ZNF383: variants seen among roughly 807,000 people sequenced by gnomAD.
ZNF383 encodes zinc finger protein 383.
A neutral mutation model predicts 44.2 loss-of-function variants in ZNF383; 32 were observed. The observed-to-expected ratio is 0.72, with a 90% CI of 0.55 to 0.97. The LOEUF is 0.97. ZNF383 is among the 50% of genes least tolerant of loss of function. The pLI, the probability that ZNF383 is intolerant of heterozygous loss-of-function variation, is 0.00. For missense variants in ZNF383, 487 were observed against 562.5 expected (o/e 0.87, Z 1.36); for synonymous variants, 155 against 186.2 (o/e 0.83, Z 1.36).
chr19:37,237,784 A>G (rs575073590), intron 5 of ZNF383, among the ~76,000 whole-genome samples: 11 of 152,020 alleles, frequency 7.2e-5, no homozygotes, highest in Non-Finnish European at 1.5e-4. Context: ...CCCCTTCGTA[A>G]GAGCACCGAA....
At chr19:37,227,915 A>G (rs1973261794) in intron 2 of ZNF383, among the ~76,000 whole-genome samples, 1 of 152,246 alleles carries the variant, frequency 6.6e-6, no homozygotes, top group South Asian at 2.1e-4. Context: ...ACTGTTATTT[A>G]GAAGGCAGAG....
rs542719626 is a variant in ZNF383, at chr19:37,233,288, G to A, written c.10-2261G>A. Among the ~76,000 whole-genome samples the A allele has an allele frequency of 3.4e-3, 498 of 147,910 alleles. 2 individuals are homozygous for A. Among genetic ancestry groups the A allele is most frequent in the Non-Finnish European group, 5.4e-3 (360 of 67,018 alleles). ...TGGGATTACAGGCGCGTGCCACCAC[G>A]CCCAGCTAATTTTTTTGTATTTTTA... is the stretch of plus-strand genomic sequence containing the variant. On this transcript the variant is annotated intron_variant, in intron 3 of 5. Transcript: ENST00000684119.
At chr19:37,230,350 G>T in intron 2 of ZNF383, 59 bp from the exon 3 acceptor site, 1 of 1,230,398 alleles carries the variant, frequency 8.1e-7, no homozygotes, top group Non-Finnish European at 1.2e-6. Context: ...CCTCTAGTGT[G>T]ATTTCTAGAG....
At position 37,242,918 on chromosome 19, in the gene ZNF383, T is replaced by C. The variant is rs1974196797; in HGVS notation, c.682T>C (p.Cys228Arg). Reference sequence around the variant, plus strand: ...TCATACTGGCGAAAAACCCTTTGAATGTAAGGAATGTGGAAAGGCCTTCAG... The same window carrying C: ...TCATACTGGCGAAAAACCCTTTGAACGTAAGGAATGTGGAAAGGCCTTCAG... ...KIHTGEKPFE[C>R]KECGKAFSCS... Residue 228 changes from cysteine (C) to arginine (R), a missense_variant, in exon 6 of 6, where the codon TGT (cysteine) becomes CGT (arginine). Coordinates refer to ENST00000684119, the MANE Select transcript of ZNF383 (RefSeq NM_001387601.1). 1 of 1,614,048 alleles carries C rather than the reference T, an allele frequency of 6.2e-7. No homozygotes were observed. The highest frequency in any genetic ancestry group is 8.5e-7 in the Non-Finnish European group (1 of 1,180,024).
At position 37,235,565 on chromosome 19, in the gene ZNF383, G is replaced by C; in HGVS notation, c.26G>C (p.Ser9Thr). 1.2e-6 allele frequency: 2 copies of C among 1,614,080 alleles called. No individual in the cohort carries two copies. The highest frequency in any genetic ancestry group is 1.7e-6 in the Non-Finnish European group (2 of 1,179,970). The change falls in exon 4 of 6, where the codon AGT (serine) becomes ACT (threonine). Residue 9 changes from serine to threonine, a missense_variant. Coordinates refer to ENST00000684119, the MANE Select transcript of ZNF383 (RefSeq NM_001387601.1). Reference protein sequence around the residue: MAEGSVMFSDVSIDFSQEE... With the variant: MAEGSVMFTDVSIDFSQEE... The stretch of plus-strand genomic sequence containing the variant: ...TTGTTTCAGGGATCAGTGATGTTCA[G>C]TGATGTGTCCATAGACTTCTCTCAG...
Position 37,243,559 on chromosome 19 carries a change from G to A in ZNF383, c.1323G>A (p.Leu441=), listed in dbSNP as rs771456571. 136 of 1,614,068 alleles carry A rather than the reference G, an allele frequency of 8.4e-5. 1 individual carries two copies. The highest frequency in any genetic ancestry group is 3.3e-4 in the Middle Eastern group (2 of 6,060). ...FNKCSNLTRH[L]RIHTGEKPYN... is the part of the protein sequence containing the mutation. Reference sequence around the variant, plus strand: ...AATGCTCAAACCTTACTCGACATCTGAGAATTCACACTGGTGAAAAGCCCT... The same window carrying A: ...AATGCTCAAACCTTACTCGACATCTAAGAATTCACACTGGTGAAAAGCCCT... Residue 441 remains leucine, a synonymous_variant, in exon 6 of 6, where the codon CTG becomes CTA. Transcript: ENST00000684119.
rs1555785726 is a variant in ZNF383, at chr19:37,246,624, AC to A, written c.*2961del. 6.6e-6 allele frequency: 1 copy of A among 150,806 alleles called. No homozygotes were observed. Among genetic ancestry groups the A allele is most frequent in the African/African-American group, 2.5e-5 (1 of 40,264 alleles). The allele number at this position is 150,806 out of a possible 1,614,324, so 9.3% of individuals were successfully genotyped here. A position where few individuals can be genotyped will look rare whatever the true frequency, so the allele number is the denominator to read the frequency against. On this transcript the variant is annotated 3_prime_UTR_variant, in exon 6 of 6. Coordinates refer to ENST00000684119, the MANE Select transcript of ZNF383 (RefSeq NM_001387601.1). ...CGTCTCTACTAAAAATACAAAAAAA[AC>A]AAAAACAAAAACAAATAGCCAGGCA...
chr19:37,226,008 C>G (rs1456150137), intron 2 of ZNF383, among the ~76,000 whole-genome samples: 1 of 150,850 alleles, frequency 6.6e-6, no homozygotes, highest in African/African-American at 2.4e-5. Context: ...ACCATGTTGC[C>G]CAGGATGGTC....
At chr19:37,236,843 C>T (rs369872458) in intron 5 of ZNF383, among the ~76,000 whole-genome samples, 3 of 152,190 alleles carry the variant, frequency 2.0e-5, no homozygotes, top group African/African-American at 4.8e-5. Flanking sequence ...GCTGGGATTA[C>T]AGGCATGAGC....
Position 37,242,834 on chromosome 19 carries a change from T to A in ZNF383, c.598T>A (p.Cys200Ser), listed in dbSNP as rs747418768. ...TCATATTGGTGAAAAATCTTATGAA[T>A]GTAAAGAGTGTGGGAAATTCTTTAG... ...RIHIGEKSYECKECGKFFSCG... is the reference protein window; with the variant it reads ...RIHIGEKSYESKECGKFFSCG... Residue 200 changes from cysteine to serine, a missense_variant, in exon 6 of 6, where the codon TGT becomes AGT. Transcript: ENST00000684119. The A allele has an allele frequency of 2.2e-5, 35 of 1,613,880 alleles. No homozygotes were observed. Among genetic ancestry groups the A allele is most frequent in the Non-Finnish European group, 1.7e-6 (2 of 1,179,908 alleles).
chr19:37,232,116 C>T (rs950383394), intron 3 of ZNF383, among the ~76,000 whole-genome samples: 1 of 151,288 alleles, frequency 6.6e-6, no homozygotes, highest in African/African-American at 2.4e-5. Flanking sequence ...CACTCTGTCG[C>T]CTAGGCTAGA....
chr19:37,220,948 G>A (rs1313242446), intron 1 of ZNF383, among the ~76,000 whole-genome samples: 5 of 152,008 alleles, frequency 3.3e-5, no homozygotes, highest in African/African-American at 1.2e-4. Context: ...ATATTTGTTA[G>A]CCTCACTCTC....
intron 1 of ZNF383, chr19:37,219,380 C>T (rs1016107461): frequency 6.6e-6 from 1 of 152,632 alleles, no homozygotes; most frequent in Admixed American, 6.5e-5. Context: ...CTCAGCCTTC[C>T]TAGTAGCTGG....
Position 37,243,910 on chromosome 19 carries a change from A to T in ZNF383, c.*246A>T. The T allele has an allele frequency of 2.8e-6, 1 of 359,258 alleles. No homozygotes were observed. The highest frequency in any genetic ancestry group is 7.8e-5 in the South Asian group (1 of 12,794). The allele number at this position is 359,258 out of a possible 1,614,324, so 22.3% of individuals were successfully genotyped here. A position where few individuals can be genotyped will look rare whatever the true frequency, so the allele number is the denominator to read the frequency against. ...TTCTACTTTCTTGGTGACACATTAT[A>T]CTCATGTTTATATTTGCTTGTGTTT... is the stretch of plus-strand genomic sequence containing the variant. On this transcript the variant is annotated 3_prime_UTR_variant, in exon 6 of 6. Coordinates refer to ENST00000684119, the MANE Select transcript of ZNF383 (RefSeq NM_001387601.1).
At chr19:37,221,829 G>A (rs1232811830) in intron 1 of ZNF383, among the ~76,000 whole-genome samples, 2 of 150,622 alleles carry the variant, frequency 1.3e-5, no homozygotes, top group African/African-American at 4.9e-5. Flanking sequence ...GGTGGCGGCC[G>A]CCTATAGTCC....
intron 2 of ZNF383, 52 bp from the exon 3 acceptor site, chr19:37,230,357 A>T: frequency 7.6e-7 from 1 of 1,318,648 alleles, no homozygotes. Context: ...TGTGATTTCT[A>T]GAGGGTTTTA....
intron 5 of ZNF383, among the ~76,000 whole-genome samples, chr19:37,238,943 G>A (rs1422451944): frequency 2.0e-5 from 3 of 151,982 alleles, no homozygotes; most frequent in African/African-American, 7.2e-5. Context: ...TTTTTGAGAC[G>A]GAGTCTCACT....
In ZNF383 at chr19:37,247,228, T is replaced by A. The variant is rs1974403324; in HGVS notation, c.*3564T>A. 2 of 152,030 alleles carry A rather than the reference T, an allele frequency of 1.3e-5. No homozygotes were observed. The highest frequency in any genetic ancestry group is 4.8e-5 in the African/African-American group (2 of 41,392). 9.4% of individuals were successfully genotyped at this position (152,030 alleles called of 1,614,324 possible). ...GTGGGAGGAAGGAGGTAGTATTATT[T>A]TAAAAGGCAGAAATAATTGAAAGAA... On this transcript the variant is annotated 3_prime_UTR_variant, in exon 6 of 6. Transcript: ENST00000684119.
At chr19:37,229,690 A>G (rs1599788296) in intron 2 of ZNF383, among the ~76,000 whole-genome samples, 1 of 110,776 alleles carries the variant, frequency 9.0e-6, no homozygotes, top group Admixed American at 9.1e-5. Context: ...ATGTGTGTGT[A>G]TATATATGTA....
Sources: allele counts gnomAD v4.1 joint callset (sites outside exome capture counted in the v4.1 genomes callset), GRCh38; gene constraint gnomAD v4.1.1; transcripts MANE v1.5; gene names NCBI Gene and HGNC (gene_info 2026-07-23, HGNC 2026-07-21).